The following FHIP2A variants were observed in gnomAD, a reference collection of about 807,000 sequenced individuals.
FHIP2A encodes FHF complex subunit HOOK interacting protein 2A.
FHIP2A carries 46 observed loss-of-function variants against 93.5 expected under a neutral mutation model. The observed-to-expected ratio is 0.49, with a 90% confidence interval of 0.39 to 0.63. The LOEUF (loss-of-function observed/expected upper bound fraction) is 0.63. Ranked by LOEUF, FHIP2A falls within the 20% of genes least tolerant of loss-of-function variation. The probability of loss-of-function intolerance (pLI) is 0.00; values close to 1 mark genes in which losing one functional copy is unlikely to be tolerated. For missense variants in FHIP2A, 769 were observed against 909.7 expected (o/e 0.85, Z 1.99); for synonymous variants, 332 against 326.5 (o/e 1.02, Z -0.18).
chr10:114,837,859 G>A (rs560977808), intron 5 of FHIP2A, among the ~76,000 whole-genome samples: 38 of 152,306 alleles, frequency 2.5e-4, no homozygotes, highest in Admixed American at 1.6e-3. Context: ...GTTCCTTTAT[G>A]TTGTTGAGTA....
At chr10:114,860,088 A>G (rs1418871738) in intron 14 of FHIP2A, among the ~76,000 whole-genome samples, 2 of 152,300 alleles carry the variant, frequency 1.3e-5, no homozygotes, top group Non-Finnish European at 2.9e-5. Flanking sequence ...CTTATGCTCA[A>G]TGGGTCCTCT....
chr10:114,895,607 C>T (rs1283288899), intron 16 of FHIP2A, among the ~76,000 whole-genome samples: 2 of 152,114 alleles, frequency 1.3e-5, no homozygotes, highest in Non-Finnish European at 2.9e-5. Context: ...CATTCTAATC[C>T]TGTCAAGAGG....
At chr10:114,889,448 T>C (rs1430711549) in intron 16 of FHIP2A, among the ~76,000 whole-genome samples, 1 of 152,232 alleles carries the variant, frequency 6.6e-6, no homozygotes, top group Non-Finnish European at 1.5e-5. Context: ...GTTCTAGATA[T>C]TAAGCACCAC....
intron 16 of FHIP2A, among the ~76,000 whole-genome samples, chr10:114,891,178 C>G (rs12764851): frequency 6.7e-6 from 1 of 149,804 alleles, no homozygotes; most frequent in Non-Finnish European, 1.5e-5. Context: ...TGGGCAACAA[C>G]GTGAGACCCT....
At chr10:114,891,537 ATGTGTGTGTGTGTG>A (rs34032569) in intron 16 of FHIP2A, among the ~76,000 whole-genome samples, 51 of 137,206 alleles carry the variant, frequency 3.7e-4, no homozygotes, top group Middle Eastern at 3.6e-3. Context: ...ATATATATAT[ATGTGTGTGTGTGTG>A]TGTGTGTGTG....
intron 13 of FHIP2A, among the ~76,000 whole-genome samples, chr10:114,849,418 G>A (rs1462447204): frequency 6.6e-6 from 1 of 152,036 alleles, no homozygotes; most frequent in Non-Finnish European, 1.5e-5. Context: ...CACAAGTATA[G>A]TCCCTCTGCT....
chr10:114,847,905 G>C (rs1184392713), intron 12 of FHIP2A, among the ~76,000 whole-genome samples: 1 of 151,952 alleles, frequency 6.6e-6, no homozygotes, highest in African/African-American at 2.4e-5. Flanking sequence ...TGGCTACTAC[G>C]ACTTGACCTC....
At position 114,855,181 on chromosome 10, in the gene FHIP2A, G is replaced by C; in HGVS notation, c.1804-16G>C. On this transcript the variant is annotated splice_polypyrimidine_tract_variant and intron_variant, in intron 13 of 16. Coordinates refer to ENST00000369248, the MANE Select transcript of FHIP2A (RefSeq NM_020940.4). ...GTTTTTGTTCTTTAATGATTCACAT[G>C]CTTTTTTCCCCCTAGTTCCGAGACT... The C allele has an allele frequency of 3.1e-6, 5 of 1,593,028 alleles. No homozygotes were observed. Among genetic ancestry groups the C allele is most frequent in the Non-Finnish European group, 4.3e-6 (5 of 1,171,170 alleles).
At chr10:114,894,779 G>A (rs140546776) in intron 16 of FHIP2A, among the ~76,000 whole-genome samples, 1 of 145,216 alleles carries the variant, frequency 6.9e-6, no homozygotes, top group Non-Finnish European at 1.6e-5. Flanking sequence ...ATGAGTAATG[G>A]TCTATAAAAT....
downstream of FHIP2A, among the ~76,000 whole-genome samples, chr10:114,865,424 A>C (rs1483835905): frequency 6.6e-6 from 1 of 152,190 alleles, no homozygotes; most frequent in African/African-American, 2.4e-5. Context: ...AGAGGTTCTG[A>C]ATTGGAAACA....
chr10:114,859,988 G>T (rs1234319732), intron 14 of FHIP2A, among the ~76,000 whole-genome samples: 1 of 152,140 alleles, frequency 6.6e-6, no homozygotes, highest in Non-Finnish European at 1.5e-5. Context: ...TTGGGAATTG[G>T]CAGTAGTTGA....
Position 114,822,100 on chromosome 10 carries a change from A to G in FHIP2A, c.22A>G (p.Ile8Val). ...CAGGATGTTCTCCAAGTTCACCTCC[A>G]TCCTGCAGCACGCCGTGGAGGCGGT... MFSKFTS[I>V]LQHAVEALAP... Residue 8 changes from isoleucine (I) to valine (V), a missense_variant, in exon 1 of 17, where the codon ATC becomes GTC. Ile to Val is a conservative substitution (Grantham distance 29, BLOSUM62 3). Coordinates refer to ENST00000369248, the MANE Select transcript of FHIP2A (RefSeq NM_020940.4). The G allele has an allele frequency of 7.5e-7, 1 of 1,340,732 alleles. No homozygotes were observed. Among genetic ancestry groups the G allele is most frequent in the Non-Finnish European group, 9.8e-7 (1 of 1,023,606 alleles). The allele number at this position is 1,340,732 out of a possible 1,614,324, so 83.1% of individuals were successfully genotyped here. A position where few individuals can be genotyped will look rare whatever the true frequency, so the allele number is the denominator to read the frequency against.
At position 114,882,874 on chromosome 10, in the gene FHIP2A, CAA is replaced by C. The variant is rs11295786; in HGVS notation, c.2193-16602_2193-16601del. ...TGGGTGACAGAGCAAGACTCTGTCT[CAA>C]AAAAAAAAAAAAAGAAAGAAAAGAA... is the stretch of plus-strand genomic sequence containing the variant. On this transcript the variant is annotated intron_variant, in intron 16 of 16. Coordinates refer to the FHIP2A transcript ENST00000369250. Among the ~76,000 whole-genome samples the C allele has an allele frequency of 1.4e-3, 173 of 124,846 alleles. No individual in the cohort carries two copies. The South Asian group carries it at 0.015, about 11-fold the overall frequency. 81.9% of individuals were successfully genotyped at this position (124,846 alleles called of 152,430 possible).
At chr10:114,837,296 G>T (rs1034715196) in intron 5 of FHIP2A, among the ~76,000 whole-genome samples, 2 of 152,150 alleles carry the variant, frequency 1.3e-5, no homozygotes, top group Non-Finnish European at 2.9e-5. Context: ...AGGTGGATCA[G>T]TTGAGGTCAG....
Position 114,875,924 on chromosome 10 carries a change from G to GA in FHIP2A, c.2192+14593dup, listed in dbSNP as rs1467448892. ...AAATAAAGAAAGAGAAAGAAAGAAA[G>GA]AAAGAAAGAGAAAGAAAAAGAACAG... On this transcript the variant is annotated intron_variant, in intron 16 of 16. Transcript: ENST00000369250. Among the ~76,000 whole-genome samples the GA allele has an allele frequency of 4.8e-5, 7 of 146,844 alleles. No individual in the cohort carries two copies. In the South Asian group the frequency reaches 1.5e-3, roughly 32 times the overall value.
intron 5 of FHIP2A, among the ~76,000 whole-genome samples, chr10:114,837,726 G>A (rs1300878728): frequency 6.6e-6 from 1 of 152,178 alleles, no homozygotes; most frequent in Non-Finnish European, 1.5e-5. Flanking sequence ...CGCCCTAGCA[G>A]TCACTGATCT....
chr10:114,889,667 C>T (rs186170392), intron 16 of FHIP2A, among the ~76,000 whole-genome samples: 28 of 152,360 alleles, frequency 1.8e-4, no homozygotes, highest in African/African-American at 6.7e-4. Context: ...ACCATCTTCT[C>T]AATGGCTGAC....
intron 5 of FHIP2A, among the ~76,000 whole-genome samples, chr10:114,842,632 CTT>C (rs1195655112): frequency 2.0e-5 from 3 of 151,632 alleles, no homozygotes; most frequent in African/African-American, 7.3e-5. Context: ...CCTCCTGAAA[CTT>C]TTTTCCTCAC....
chr10:114,882,095 C>T (rs921599397), intron 16 of FHIP2A, among the ~76,000 whole-genome samples: 9 of 152,150 alleles, frequency 5.9e-5, no homozygotes, highest in Non-Finnish European at 1.2e-4. Flanking sequence ...AGCACTGTGC[C>T]GCTGTGAGCA....
Sources: allele counts gnomAD v4.1 joint callset (sites outside exome capture counted in the v4.1 genomes callset), GRCh38; gene constraint gnomAD v4.1.1; transcripts MANE v1.5; gene names NCBI Gene and HGNC (gene_info 2026-07-23, HGNC 2026-07-21).